The following COLGALT2 variants were observed in gnomAD, a reference collection of about 807,000 sequenced individuals.
COLGALT2 encodes collagen beta(1-O)galactosyltransferase 2.
In COLGALT2, 49 loss-of-function variants were observed where a neutral mutation model predicts 73.4. The observed-to-expected ratio is 0.67, with a 90% CI of 0.53 to 0.85. The LOEUF is 0.85. Among genes scored for constraint, COLGALT2 ranks in the 40% least tolerant of loss-of-function variants. The pLI, the probability that COLGALT2 is intolerant of heterozygous loss-of-function variation, is 0.00. For synonymous variants in COLGALT2, 295 were observed against 307.6 expected (o/e 0.96, Z 0.43); for missense variants, 722 against 790.2 (o/e 0.91, Z 1.03).
intron 1 of COLGALT2, among the ~76,000 whole-genome samples, chr1:184,008,246 A>AT (rs1672135872): frequency 6.6e-6 from 1 of 152,186 alleles, no homozygotes; most frequent in African/African-American, 2.4e-5. Context: ...ACAGGCCTGT[A>AT]TTTTTTTAAG....
At chr1:183,966,688 C>T (rs562814507) in intron 5 of COLGALT2, among the ~76,000 whole-genome samples, 32 of 152,216 alleles carry the variant, frequency 2.1e-4, no homozygotes, top group Non-Finnish European at 4.4e-4. Context: ...TGGAAGACGA[C>T]TGGCTGGCAC....
chr1:184,021,626 T>C (rs898032389), intron 1 of COLGALT2, among the ~76,000 whole-genome samples: 1 of 152,176 alleles, frequency 6.6e-6, no homozygotes, highest in Admixed American at 6.5e-5. Flanking sequence ...ATTCTGTTCA[T>C]TATAAATTAT....
Position 183,936,971 on chromosome 1 carries a change from T to G in COLGALT2, c.*1790A>C. On this transcript the variant is annotated 3_prime_UTR_variant, in exon 12 of 12. Coordinates refer to ENST00000361927, the MANE Select transcript of COLGALT2 (RefSeq NM_015101.4). ...CCTGGGGAGATGAGGCTGCCTTGAC[T>G]ACCTATTTGGTGATGAGACAGCTTG... The G allele has an allele frequency of 8.1e-7, 1 of 1,231,774 alleles. No homozygotes were observed. Among genetic ancestry groups the G allele is most frequent in the South Asian group, 4.1e-5 (1 of 24,316 alleles). The allele number at this position is 1,231,774 out of a possible 1,614,324, so 76.3% of individuals were successfully genotyped here. A position where few individuals can be genotyped will look rare whatever the true frequency, so the allele number is the denominator to read the frequency against.
chr1:184,017,483 G>A (rs1430613409), intron 1 of COLGALT2, among the ~76,000 whole-genome samples: 1 of 152,070 alleles, frequency 6.6e-6, no homozygotes, highest in African/African-American at 2.4e-5. Flanking sequence ...TGAACCACAA[G>A]AGTAATAACC....
At chr1:183,945,653 C>A (rs1670230165) in intron 8 of COLGALT2, 89 bp from the exon 9 acceptor site, 6 of 1,457,270 alleles carry the variant, frequency 4.1e-6, no homozygotes, top group Admixed American at 1.9e-5. Flanking sequence ...TCTGCAAACA[C>A]CCCTCCCCCA....
At chr1:184,024,557 G>C (rs1434777142) in intron 1 of COLGALT2, among the ~76,000 whole-genome samples, 2 of 151,424 alleles carry the variant, frequency 1.3e-5, no homozygotes, top group East Asian at 3.9e-4. Context: ...TCACCATGTT[G>C]GTCAGATTGG....
intron 1 of COLGALT2, among the ~76,000 whole-genome samples, chr1:184,027,169 T>C (rs1196452096): frequency 1.3e-5 from 2 of 152,230 alleles, no homozygotes; most frequent in African/African-American, 2.4e-5. Context: ...TGTACATTAC[T>C]ACTTCTCTTA....
At chr1:184,013,460 G>A (rs983238729) in intron 1 of COLGALT2, among the ~76,000 whole-genome samples, 1 of 152,200 alleles carries the variant, frequency 6.6e-6, no homozygotes, top group Non-Finnish European at 1.5e-5. Flanking sequence ...GTGGTGTGGA[G>A]AGGTAGTCTG....
intron 5 of COLGALT2, among the ~76,000 whole-genome samples, chr1:183,968,285 C>T (rs138464807): frequency 1.1e-4 from 16 of 152,320 alleles, no homozygotes; most frequent in African/African-American, 2.9e-4. Context: ...CAAAGCTTTG[C>T]TCTGTTAGAT....
At chr1:183,978,651 T>G in intron 1 of COLGALT2, 131 bp from the exon 2 acceptor site, 1 of 553,844 alleles carries the variant, frequency 1.8e-6, no homozygotes, top group Non-Finnish European at 3.2e-6. Flanking sequence ...TGAAAATAAT[T>G]CCCTCATAGT....
intron 1 of COLGALT2, among the ~76,000 whole-genome samples, chr1:184,001,847 A>T (rs1671935479): frequency 6.6e-6 from 1 of 152,224 alleles, no homozygotes; most frequent in South Asian, 2.1e-4. Context: ...TCTCATAGTC[A>T]TTATAATCTG....
At chr1:183,965,571 G>A (rs142532245) in intron 5 of COLGALT2, among the ~76,000 whole-genome samples, 2 of 152,312 alleles carry the variant, frequency 1.3e-5, no homozygotes, top group East Asian at 3.9e-4. Context: ...GTGTATAAGA[G>A]AAGAGAAATA....
chr1:183,964,192 A>G, intron 5 of COLGALT2, 172 bp from the exon 6 acceptor site: 1 of 554,080 alleles, frequency 1.8e-6, no homozygotes. Context: ...TTAAAAAAGT[A>G]AAACACAGCA....
At chr1:183,944,907 C>G (rs1670209087) in intron 9 of COLGALT2, among the ~76,000 whole-genome samples, 1 of 152,160 alleles carries the variant, frequency 6.6e-6, no homozygotes, top group Admixed American at 6.5e-5. Flanking sequence ...TCTTCAGGGA[C>G]TTTCTTTTTG....
chr1:183,992,634 CAGAT>C (rs1671661108), intron 1 of COLGALT2, among the ~76,000 whole-genome samples: 1 of 152,190 alleles, frequency 6.6e-6, no homozygotes, highest in African/African-American at 2.4e-5. Context: ...TGGTCTCTGA[CAGAT>C]AGGTTTAAGA....
At chr1:183,933,131 A>G (rs887081857), downstream of COLGALT2, among the ~76,000 whole-genome samples, 1 of 152,196 alleles carries the variant, frequency 6.6e-6, no homozygotes, top group Non-Finnish European at 1.5e-5. Flanking sequence ...AACTCTAAGG[A>G]CAAGGCTGTC....
Position 183,936,610 on chromosome 1 carries a change from C to T in COLGALT2, c.*2151G>A. 8.4e-7 allele frequency: 1 copy of T among 1,185,864 alleles called. No homozygotes were observed. The highest frequency in any genetic ancestry group is 3.3e-4 in the Middle Eastern group (1 of 3,026). 73.5% of individuals were successfully genotyped at this position (1,185,864 alleles called of 1,614,324 possible). On this transcript the variant is annotated 3_prime_UTR_variant, in exon 12 of 12. Coordinates refer to ENST00000361927, the MANE Select transcript of COLGALT2 (RefSeq NM_015101.4). Reference sequence around the variant, plus strand: ...CCAGCACCCCAGCCACCTCCCACCCCATTAAAAAAGTCATTAAAGTCATGC... The same window carrying T: ...CCAGCACCCCAGCCACCTCCCACCCTATTAAAAAAGTCATTAAAGTCATGC...
intron 6 of COLGALT2, 139 bp downstream of exon 6, chr1:183,963,762 G>T: frequency 1.1e-6 from 1 of 933,030 alleles, no homozygotes; most frequent in Non-Finnish European, 1.5e-6. Flanking sequence ...AGGAAAGAAT[G>T]AACAAATAAA....
rs954779230 is a variant in COLGALT2 at position 183,937,740 on chromosome 1, A to G, written c.*1021T>C. On this transcript the variant is annotated 3_prime_UTR_variant, in exon 12 of 12. Coordinates refer to ENST00000361927, the MANE Select transcript of COLGALT2 (RefSeq NM_015101.4). Reference sequence around the variant, plus strand: ...GTTTCTCTGCCTTATCCTAAAGACAATATCTTCGCCCATTTTGTAAAATAA... The same window carrying G: ...GTTTCTCTGCCTTATCCTAAAGACAGTATCTTCGCCCATTTTGTAAAATAA... The G allele has an allele frequency of 9.1e-6, 9 of 985,244 alleles. No individual in the cohort carries two copies. Among genetic ancestry groups the G allele is most frequent in the Admixed American group, 6.1e-5 (1 of 16,262 alleles). 61.0% of individuals were successfully genotyped at this position (985,244 alleles called of 1,614,324 possible). A position where few individuals can be genotyped will look rare whatever the true frequency, so the allele number is the denominator to read the frequency against.
Sources: allele counts gnomAD v4.1 joint callset (sites outside exome capture counted in the v4.1 genomes callset), GRCh38; gene constraint gnomAD v4.1.1; transcripts MANE v1.5; gene names NCBI Gene and HGNC (gene_info 2026-07-23, HGNC 2026-07-21).